Variants in EYS observed in about 807,000 individuals in gnomAD.
The protein encoded by EYS is EGF-like photoreceptor maintenance factor.
In EYS, 250 loss-of-function variants were observed where a neutral mutation model predicts 282.1. That is an observed-to-expected ratio of 0.89 (90% CI 0.80 to 0.98). The LOEUF is 0.98. Ranked by LOEUF, EYS falls within the 50% of genes least tolerant of loss-of-function variation. EYS has a pLI of 0.00. For missense variants in EYS, 4,016 were observed against 3,709.0 expected (o/e 1.08, Z -2.15); for synonymous variants, 1,355 against 1,282.9 (o/e 1.06, Z -1.20).
chr6:65,288,989 G>A (rs1169929053), intron 12 of EYS, among the ~76,000 whole-genome samples: 1 of 150,470 alleles, frequency 6.6e-6, no homozygotes, highest in Non-Finnish European at 1.5e-5. Flanking sequence ...CAATTGAAAA[G>A]AATACATAAA....
At chr6:65,407,278 C>T (rs1335576943) in intron 5 of EYS, among the ~76,000 whole-genome samples, 2 of 151,782 alleles carry the variant, frequency 1.3e-5, no homozygotes, top group East Asian at 1.9e-4. Context: ...TTTTTTCAGT[C>T]ATAGTCTCGC....
At chr6:65,332,364 A>T in intron 11 of EYS, 1 of 922,966 alleles carries the variant, frequency 1.1e-6, no homozygotes, top group South Asian at 1.4e-5. Flanking sequence ...ATGCTGTATA[A>T]ACCTTTCTAT....
chr6:65,702,728 A>G (rs1274160602), intron 1 of EYS, among the ~76,000 whole-genome samples: 4 of 151,714 alleles, frequency 2.6e-5, no homozygotes, highest in Non-Finnish European at 5.9e-5. Context: ...AAATAATAAA[A>G]TAAAATATAT....
At chr6:65,437,732 T>A (rs1359765555) in intron 5 of EYS, among the ~76,000 whole-genome samples, 1 of 152,192 alleles carries the variant, frequency 6.6e-6, no homozygotes, top group African/African-American at 2.4e-5. Context: ...CCTATTATAA[T>A]GGCTTAGAGA....
intron 26 of EYS, among the ~76,000 whole-genome samples, chr6:64,473,382 C>T (rs912694629): frequency 1.3e-5 from 2 of 152,050 alleles, no homozygotes; most frequent in Non-Finnish European, 2.9e-5. Flanking sequence ...CAAGTAAATA[C>T]TTTAACATGA....
chr6:63,738,409 G>C (rs1004542101), intron 41 of EYS, among the ~76,000 whole-genome samples: 3 of 151,810 alleles, frequency 2.0e-5, no homozygotes, highest in Admixed American at 1.3e-4. Flanking sequence ...ATGCAGCCAT[G>C]AAAAATGATG....
chr6:65,428,825 CTG>C (rs1177146081), intron 5 of EYS, among the ~76,000 whole-genome samples: 1 of 152,126 alleles, frequency 6.6e-6, no homozygotes, highest in African/African-American at 2.4e-5. Context: ...CAAAGAAACA[CTG>C]TGCTTCATTG....
At chr6:64,039,117 T>C (rs1358538076) in intron 33 of EYS, among the ~76,000 whole-genome samples, 1 of 152,156 alleles carries the variant, frequency 6.6e-6, no homozygotes, top group Non-Finnish European at 1.5e-5. Flanking sequence ...AATTTTCAAA[T>C]ACCTGACTGG....
At chr6:64,501,217 T>A (rs2150512057) in intron 26 of EYS, among the ~76,000 whole-genome samples, 1 of 152,144 alleles carries the variant, frequency 6.6e-6, no homozygotes, top group African/African-American at 2.4e-5. Context: ...TATTGTCTTT[T>A]CTATAAACAG....
intron 26 of EYS, among the ~76,000 whole-genome samples, chr6:64,536,547 A>G (rs936722213): frequency 3.3e-5 from 5 of 152,168 alleles, no homozygotes; most frequent in Non-Finnish European, 7.4e-5. Flanking sequence ...TCACCAATAT[A>G]TGCATTGATT....
intron 26 of EYS, among the ~76,000 whole-genome samples, chr6:64,539,708 T>G (rs572567557): frequency 1.3e-5 from 2 of 152,236 alleles, no homozygotes; most frequent in Non-Finnish European, 2.9e-5. Flanking sequence ...CAGGGTGACC[T>G]CTAAGAAACC....
chr6:65,043,266 T>C (rs1772993886), intron 13 of EYS, among the ~76,000 whole-genome samples: 1 of 151,538 alleles, frequency 6.6e-6, no homozygotes, highest in Non-Finnish European at 1.5e-5. Context: ...AGTAAGTGTT[T>C]AAAGCAAATT....
chr6:65,268,455 C>T (rs1025791315), intron 12 of EYS, among the ~76,000 whole-genome samples: 1 of 151,764 alleles, frequency 6.6e-6, no homozygotes, highest in Non-Finnish European at 1.5e-5. Context: ...TTACATCCTC[C>T]CTTTTTCCCT....
At chr6:64,107,108 A>G (rs548130752) in intron 31 of EYS, among the ~76,000 whole-genome samples, 2 of 150,906 alleles carry the variant, frequency 1.3e-5, no homozygotes, top group Admixed American at 1.3e-4. Flanking sequence ...CCTTCAGCAT[A>G]TTAATCATAG....
At chr6:64,673,054 G>A (rs1319095571) in intron 22 of EYS, among the ~76,000 whole-genome samples, 1 of 151,930 alleles carries the variant, frequency 6.6e-6, no homozygotes, top group South Asian at 2.1e-4. Flanking sequence ...GCTATACTGA[G>A]GAATGTATTT....
intron 31 of EYS, among the ~76,000 whole-genome samples, chr6:64,227,701 A>G (rs1484032273): frequency 6.6e-6 from 1 of 152,104 alleles, no homozygotes; most frequent in African/African-American, 2.4e-5. Context: ...ACTCTTCACA[A>G]TAATATTATG....
chr6:64,673,294 A>G (rs1583024727), intron 22 of EYS, among the ~76,000 whole-genome samples: 1 of 152,106 alleles, frequency 6.6e-6, no homozygotes, highest in African/African-American at 2.4e-5. Flanking sequence ...GATAAGACAT[A>G]TATGAGATGG....
rs796730594 is a variant in EYS, at chr6:65,489,140, A to G, written c.862+1454T>C. On this transcript the variant is annotated intron_variant, in intron 5 of 42. Coordinates refer to ENST00000503581, the MANE Select transcript of EYS (RefSeq NM_001142800.2). ...AAATTGACAAATGGGATCTAACTAA[A>G]CTAAAGAGCTTCCACACAGCAAAAG... 5.3e-5 allele frequency among the ~76,000 whole-genome samples: 8 copies of G among 152,192 alleles called. No individual in the cohort carries two copies. The South Asian group carries it at 1.2e-3, about 24-fold the overall frequency.
At chr6:64,944,060 A>C (rs1237297181) in intron 15 of EYS, among the ~76,000 whole-genome samples, 1 of 152,116 alleles carries the variant, frequency 6.6e-6, no homozygotes, top group Non-Finnish European at 1.5e-5. Flanking sequence ...ACCAGAAATA[A>C]AGCAACATAC....
Sources: gnomAD v4.1 joint callset for allele counts (sites outside exome capture counted in the v4.1 genomes callset) on GRCh38, gnomAD v4.1.1 for gene constraint, MANE v1.5 for transcripts, NCBI Gene and HGNC (gene_info 2026-07-23, HGNC 2026-07-21) for gene names.